The following HS2ST1 variants were observed in gnomAD, a reference collection of about 807,000 sequenced individuals.
The protein encoded by HS2ST1 is 2-O-sulfotransferase.
HS2ST1 carries 18 observed loss-of-function variants against 42.9 expected under a neutral mutation model. The observed-to-expected ratio is 0.42, with a 90% confidence interval of 0.29 to 0.62. The LOEUF is 0.62. Ranked by LOEUF, HS2ST1 falls within the 20% of genes least tolerant of loss-of-function variation. HS2ST1 has a pLI of 0.21. For synonymous variants in HS2ST1, 146 were observed against 152.9 expected, an observed-to-expected ratio of 0.95 and a Z score of 0.33; for missense variants, 334 against 433.8, an observed-to-expected ratio of 0.77 and a Z score of 2.04.
At chr1:87,056,807 A>G (rs759687408) in intron 1 of HS2ST1, among the ~76,000 whole-genome samples, 1 of 152,222 alleles carries the variant, frequency 6.6e-6, no homozygotes, top group Non-Finnish European at 1.5e-5. Context: ...GTATATCAAT[A>G]TAACAGTATA....
At chr1:86,954,077 C>A (rs1647607542) in intron 1 of HS2ST1, among the ~76,000 whole-genome samples, 1 of 136,394 alleles carries the variant, frequency 7.3e-6, no homozygotes. Context: ...AAAGGCCGGG[C>A]TTGGTGGCTC....
At chr1:86,980,313 A>G (rs561832058) in intron 1 of HS2ST1, among the ~76,000 whole-genome samples, 200 of 152,326 alleles carry the variant, frequency 1.3e-3, no homozygotes, top group Non-Finnish European at 2.4e-3. Flanking sequence ...CTTCAAAGAC[A>G]ATGTATACAA....
intron 1 of HS2ST1, among the ~76,000 whole-genome samples, chr1:87,027,350 A>G (rs990814466): frequency 2.0e-5 from 3 of 152,214 alleles, no homozygotes; most frequent in Admixed American, 6.5e-5. Context: ...TTTACCAACA[A>G]TTAGTGGGAA....
chr1:86,955,117 A>T (rs952023791), intron 1 of HS2ST1, among the ~76,000 whole-genome samples: 1 of 152,216 alleles, frequency 6.6e-6, no homozygotes, highest in Non-Finnish European at 1.5e-5. Context: ...AGCTTGATAA[A>T]TTTGAGCTAT....
intron 3 of HS2ST1, among the ~76,000 whole-genome samples, chr1:87,089,935 C>G (rs969007048): frequency 1.3e-5 from 2 of 151,960 alleles, no homozygotes; most frequent in Non-Finnish European, 2.9e-5. Context: ...AGGAGATGTT[C>G]TTCTGCGAGG....
chr1:87,045,757 T>C, intron 1 of HS2ST1: 1 of 929,780 alleles, frequency 1.1e-6, no homozygotes, highest in Non-Finnish European at 1.8e-6. Context: ...ATACTGAAAA[T>C]ATGCATCCTG....
chr1:86,980,606 C>G, intron 1 of HS2ST1, among the ~76,000 whole-genome samples: 1 of 151,828 alleles, frequency 6.6e-6, no homozygotes, highest in East Asian at 1.9e-4. Context: ...CAGTGGTGAC[C>G]AAAAAGTGCT....
intron 1 of HS2ST1, among the ~76,000 whole-genome samples, chr1:86,918,693 T>C (rs1660221875): frequency 6.6e-6 from 1 of 151,956 alleles, no homozygotes; most frequent in South Asian, 2.1e-4. Flanking sequence ...CATTTTTTTG[T>C]TTTTCAAAAG....
intron 1 of HS2ST1, among the ~76,000 whole-genome samples, chr1:86,918,730 C>T (rs1361208218): frequency 1.3e-5 from 2 of 151,918 alleles, no homozygotes; most frequent in African/African-American, 4.8e-5. Flanking sequence ...TGCCAGCACA[C>T]ATTCATTAGC....
intron 3 of HS2ST1, among the ~76,000 whole-genome samples, chr1:87,091,724 G>A (rs1459864374): frequency 6.6e-6 from 1 of 152,026 alleles, no homozygotes; most frequent in Non-Finnish European, 1.5e-5. Flanking sequence ...GAAGAATAAT[G>A]GAAAAGTAAG....
intron 3 of HS2ST1, among the ~76,000 whole-genome samples, chr1:87,090,843 G>A (rs1017796300): frequency 2.0e-5 from 3 of 151,876 alleles, no homozygotes; most frequent in Non-Finnish European, 4.4e-5. Flanking sequence ...AAAACACCTG[G>A]CACTTAGCTG....
At chr1:86,964,279 A>T (rs1030363924) in intron 1 of HS2ST1, among the ~76,000 whole-genome samples, 1 of 152,192 alleles carries the variant, frequency 6.6e-6, no homozygotes, top group Admixed American at 6.5e-5. Context: ...TGGGAGGCCA[A>T]GGCAGGCGGC....
chr1:86,915,055 A>T lies in HS2ST1; in HGVS notation c.19A>T (p.Met7Leu). MGLLRI[M>L]MPPKLQLLAV... The stretch of plus-strand genomic sequence containing the variant: ...GGGTTTCATGGGGCTCCTCAGGATT[A>T]TGATGCCGCCCAAGTTGCAGCTGCT... Residue 7 changes from methionine to leucine, a missense_variant, in exon 1 of 7, where the codon ATG (methionine) becomes TTG (leucine). Physicochemically the swap from Met to Leu is conservative, Grantham distance 15. Transcript: ENST00000370550. 3 of 1,614,052 alleles carry T rather than the reference A, an allele frequency of 1.9e-6. No homozygotes were observed. The highest frequency in any genetic ancestry group is 2.2e-5 in the East Asian group (1 of 44,844).
intron 2 of HS2ST1, among the ~76,000 whole-genome samples, chr1:87,073,761 G>A (rs1295823410): frequency 2.0e-5 from 3 of 152,082 alleles, no homozygotes; most frequent in Non-Finnish European, 2.9e-5. Context: ...AATAAAATTT[G>A]CTCATCTCTT....
intron 1 of HS2ST1, among the ~76,000 whole-genome samples, chr1:86,947,714 T>TA (rs1647382502): frequency 6.6e-6 from 1 of 152,150 alleles, no homozygotes; most frequent in African/African-American, 2.4e-5. Context: ...GATTGTGCAT[T>TA]CATTTATTCA....
intron 3 of HS2ST1, among the ~76,000 whole-genome samples, chr1:87,088,644 T>C (rs921878235): frequency 4.6e-5 from 7 of 152,154 alleles, no homozygotes; most frequent in African/African-American, 1.7e-4. Flanking sequence ...TCCCAAGTGA[T>C]TGTATCATTT....
At chr1:87,071,304 A>G (rs1164326973) in intron 1 of HS2ST1, among the ~76,000 whole-genome samples, 1 of 152,198 alleles carries the variant, frequency 6.6e-6, no homozygotes, top group Non-Finnish European at 1.5e-5. Flanking sequence ...CTGTAATTAT[A>G]CCACATTGCT....
chr1:87,077,585 A>G (rs1433294452), intron 2 of HS2ST1, among the ~76,000 whole-genome samples: 1 of 152,138 alleles, frequency 6.6e-6, no homozygotes, highest in African/African-American at 2.4e-5. Flanking sequence ...TAATCAGCTT[A>G]CTAACTTATC....
At chr1:87,006,945 C>G (rs1399626931) in intron 1 of HS2ST1, among the ~76,000 whole-genome samples, 1 of 151,960 alleles carries the variant, frequency 6.6e-6, no homozygotes, top group Non-Finnish European at 1.5e-5. Flanking sequence ...CTTTTTTTCT[C>G]TACAGAATGG....
Sources: allele counts gnomAD v4.1 joint callset (sites outside exome capture counted in the v4.1 genomes callset), GRCh38; gene constraint gnomAD v4.1.1; transcripts MANE v1.5; gene names NCBI Gene and HGNC (gene_info 2026-07-23, HGNC 2026-07-21).